The following HEXB variants were observed in gnomAD, a reference collection of about 807,000 sequenced individuals.
HEXB encodes hexosaminidase subunit beta.
HEXB carries 51 observed loss-of-function variants against 71.2 expected under a neutral mutation model. The observed-to-expected ratio is 0.72, with a 90% CI of 0.57 to 0.90. The LOEUF is 0.90. Among genes scored for constraint, HEXB ranks in the 40% least tolerant of loss-of-function variants. The pLI is 0.00. For synonymous variants in HEXB, 266 were observed against 249.3 expected (o/e 1.07, Z -0.63); for missense variants, 617 against 677.0 (o/e 0.91, Z 0.98).
intron 1 of HEXB, among the ~76,000 whole-genome samples, chr5:74,686,864 C>CA (rs1048228225): frequency 6.6e-6 from 1 of 152,184 alleles, no homozygotes; most frequent in African/African-American, 2.4e-5. Context: ...TAAAAACAAA[C>CA]ACGCTTATTA....
At chr5:74,655,215 G>A (rs1434399752) in intron 1 of HEXB, among the ~76,000 whole-genome samples, 1 of 152,102 alleles carries the variant, frequency 6.6e-6, no homozygotes, top group Non-Finnish European at 1.5e-5. Flanking sequence ...GTTCATAACA[G>A]GCACTAAAAA....
chr5:74,684,709 GCT>G (rs1414109432), upstream of HEXB, among the ~76,000 whole-genome samples: 2 of 130,278 alleles, frequency 1.5e-5, no homozygotes, highest in African/African-American at 6.1e-5. Flanking sequence ...ACGGAGTCTT[GCT>G]CTGTTACCCA....
At chr5:74,648,392 C>T (rs6453070) in intron 1 of HEXB, among the ~76,000 whole-genome samples, 25,915 of 152,150 alleles carry the variant, frequency 0.17, 2,958 homozygotes, top group African/African-American at 0.32. Flanking sequence ...AGTAAACACA[C>T]ATGGAGGCAC....
rs199855096 is a variant in HEXB at position 74,715,715 on chromosome 5, T to TA, written c.1082+25_1082+26insA. 8.6e-3 allele frequency: 12,011 copies of TA among 1,401,576 alleles called. 5 individuals are homozygous for TA. Among genetic ancestry groups the TA allele is most frequent in the Admixed American group, 0.019 (942 of 50,542 alleles). The allele number at this position is 1,401,576 out of a possible 1,614,324, so 86.8% of individuals were successfully genotyped here. ...GGTAAGATGATTCCTTAAAACCCCT[T>TA]TAAAAAAAAAAAAAAGAGAGGCTGG... On this transcript the variant is annotated intron_variant, in intron 8 of 13. Transcript: ENST00000261416.
chr5:74,688,456 T>C (rs995028120), intron 1 of HEXB, among the ~76,000 whole-genome samples: 46 of 151,990 alleles, frequency 3.0e-4, no homozygotes, highest in Non-Finnish European at 5.1e-4. Flanking sequence ...TGCCTCAGCC[T>C]CCTGAGTAGC....
At chr5:74,646,661 G>A (rs762834268) in intron 1 of HEXB, among the ~76,000 whole-genome samples, 25 of 150,942 alleles carry the variant, frequency 1.7e-4, no homozygotes, top group African/African-American at 5.1e-4. Context: ...TCTGCCCTCC[G>A]AGTTCAAGCG....
At chr5:74,711,665 C>CA (rs1245959294) in intron 6 of HEXB, among the ~76,000 whole-genome samples, 15 of 151,832 alleles carry the variant, frequency 9.9e-5, no homozygotes, top group Non-Finnish European at 1.6e-4. Context: ...TTTATGCAGA[C>CA]AAAAAACACA....
rs1482737681 is a variant in HEXB at position 74,685,518 on chromosome 5, G to A, written c.258G>A (p.Thr86=). 6.2e-7 allele frequency: 1 copy of A among 1,604,794 alleles called. No homozygotes were observed. Among genetic ancestry groups the A allele is most frequent in the Non-Finnish European group, 8.5e-7 (1 of 1,175,868 alleles). The change falls in exon 1 of 14, where the codon ACG becomes ACA. Residue 86 remains threonine, a synonymous_variant. Transcript: ENST00000261416. ...ACATCAGCCACAGCCCCAATTCCAC[G>A]GCGGGCCCCTCCTGCACCCTGCTGG... ...NFYISHSPNS[T]AGPSCTLLEE...
chr5:74,713,560 G>T lies in HEXB; in HGVS notation c.826G>T (p.Glu276Ter). 1 of 1,611,754 alleles carries T rather than the reference G, an allele frequency of 6.2e-7. No individual in the cohort carries two copies. Among genetic ancestry groups the T allele is most frequent in the South Asian group, 1.1e-5 (1 of 91,048 alleles). Residue 276 changes from glutamate to a stop codon, truncating the protein, a stop_gained, in exon 7 of 14, where the codon GAA becomes TAA. Transcript: ENST00000261416. LOFTEE classifies it high-confidence loss of function. The part of the protein sequence containing the change: ...YTPNDVRMVI[E>*]YARLRGIRVL... The stretch of plus-strand genomic sequence containing the variant: ...ACCAAATGATGTCCGTATGGTGATT[G>T]AATATGCCAGATTACGAGGAATTCG...
intron 5 of HEXB, among the ~76,000 whole-genome samples, chr5:74,698,294 G>A (rs933738547): frequency 6.6e-6 from 1 of 151,320 alleles, no homozygotes; most frequent in Non-Finnish European, 1.5e-5. Context: ...GGCTGGTCTC[G>A]AACTCCTGAC....
In HEXB at chr5:74,720,707, G is replaced by A. The variant is rs776338602; in HGVS notation, c.1573G>A (p.Ala525Thr). ...SSKDVRDMDD[A>T]YDRLTRHRCR... Reference sequence around the variant, plus strand: ...CAAAGATGTCAGAGATATGGATGACGCCTATGACAGACTGACAAGGCACCG... The same window carrying A: ...CAAAGATGTCAGAGATATGGATGACACCTATGACAGACTGACAAGGCACCG... Residue 525 changes from alanine (A) to threonine (T), a missense_variant, in exon 13 of 14, where the codon GCC becomes ACC. Transcript: ENST00000261416. 9.3e-6 allele frequency: 15 copies of A among 1,614,132 alleles called. No individual in the cohort carries two copies. The highest frequency in any genetic ancestry group is 4.5e-5 in the East Asian group (2 of 44,882).
chr5:74,711,702 G>A lies in HEXB; in HGVS notation c.772-1804G>A, dbSNP rs576351955. 2.3e-3 allele frequency among the ~76,000 whole-genome samples: 347 copies of A among 151,744 alleles called. 9 individuals are homozygous for A. The highest frequency in any genetic ancestry group is 0.018 in the Admixed American group (265 of 15,006). ...GAAAAAATGCTCATCATCACTGGCC[G>A]TCAGAGAAATGCAAATCAAAACCAC... On this transcript the variant is annotated intron_variant, in intron 6 of 13. Coordinates refer to ENST00000261416, the MANE Select transcript of HEXB (RefSeq NM_000521.4).
intron 1 of HEXB, among the ~76,000 whole-genome samples, chr5:74,678,030 C>T (rs888468513): frequency 4.6e-5 from 7 of 152,206 alleles, no homozygotes; most frequent in African/African-American, 1.7e-4. Context: ...GGAGCAGTGG[C>T]TCACACCTGT....
At chr5:74,666,358 T>C (rs556483063) in intron 1 of HEXB, among the ~76,000 whole-genome samples, 1 of 152,358 alleles carries the variant, frequency 6.6e-6, no homozygotes, top group East Asian at 1.9e-4. Context: ...TGCAAATGTG[T>C]ATGCACGTAA....
intron 1 of HEXB, among the ~76,000 whole-genome samples, chr5:74,665,187 A>T (rs1748411221): frequency 6.6e-6 from 1 of 152,232 alleles, no homozygotes; most frequent in African/African-American, 2.4e-5. Flanking sequence ...ATATTTTATA[A>T]AAGGAAAAAG....
At position 74,685,335 on chromosome 5, in the gene HEXB, GA is replaced by G. The variant is rs1580377105; in HGVS notation, c.76del (p.Met26CysfsTer5). 2 of 1,579,152 alleles carry G rather than the reference GA, an allele frequency of 1.3e-6. No individual in the cohort carries two copies. The highest frequency in any genetic ancestry group is 1.7e-4 in the Middle Eastern group (1 of 5,936). The stretch of plus-strand genomic sequence containing the variant: ...TGCTGTTGGCGACACTGCTGGCGGC[GA>G]TGTTGGCGCTGCTGACTCAGGTGGC... ...ALLLATLLAA[M>X]LALLTQVALV... On this transcript the variant is annotated frameshift_variant, in exon 1 of 14. Transcript: ENST00000261416. LOFTEE classifies it high-confidence loss of function.
intron 1 of HEXB, among the ~76,000 whole-genome samples, chr5:74,653,525 T>A (rs1360897639): frequency 2.6e-5 from 4 of 152,190 alleles, no homozygotes; most frequent in Non-Finnish European, 5.9e-5. Context: ...AGGGCTTCTG[T>A]GATCAATTCC....
rs1276171471 is a variant in HEXB, at chr5:74,671,597, A to G, written c.-376-17731A>G. On this transcript the variant is annotated intron_variant, in intron 1 of 13. Coordinates refer to the HEXB transcript ENST00000511181. ...TGAAGAAACAAGGGGAGTGATGGGT[A>G]TGTCCAATATCTGATTGTGGCAATG... Among the ~76,000 whole-genome samples the G allele has an allele frequency of 2.6e-5, 4 of 152,272 alleles. No individual in the cohort carries two copies. The South Asian group carries it at 6.2e-4, about 24-fold the overall frequency.
At chr5:74,709,914 G>A (rs1229601114) in intron 6 of HEXB, among the ~76,000 whole-genome samples, 2 of 151,742 alleles carry the variant, frequency 1.3e-5, no homozygotes, top group African/African-American at 4.8e-5. Context: ...AGAAAAAGAG[G>A]GAATCCTCCC....
Sources: allele counts gnomAD v4.1 joint callset (sites outside exome capture counted in the v4.1 genomes callset), GRCh38; gene constraint gnomAD v4.1.1; transcripts MANE v1.5; gene names NCBI Gene and HGNC (gene_info 2026-07-23, HGNC 2026-07-21).